WDR36: variants seen among roughly 807,000 people sequenced by gnomAD.
WDR36 encodes WD repeat domain 36.
WDR36 carries 63 observed loss-of-function variants against 112.7 expected under a neutral mutation model. That is an observed-to-expected ratio of 0.56 (90% CI 0.46 to 0.69). WDR36 has a LOEUF of 0.69. Ranked by LOEUF, WDR36 falls within the 30% of genes least tolerant of loss-of-function variation. The pLI is 0.00. For synonymous variants in WDR36, 410 were observed against 362.2 expected (o/e 1.13, Z -1.50); for missense variants, 1,226 against 1,070.3 (o/e 1.15, Z -2.03).
Position 111,097,145 on chromosome 5 carries a change from G to C in WDR36, c.257G>C (p.Gly86Ala), listed in dbSNP as rs770372836. The change falls in exon 3 of 23, where the codon GGA becomes GCA. Residue 86 changes from glycine (G) to alanine (A), a missense_variant. Gly to Ala is a moderately conservative substitution (Grantham distance 60). Transcript: ENST00000513710. ...ADGRLVFAAY[G>A]NVFSAFARNK... The stretch of plus-strand genomic sequence containing the variant: ...GGCAGATTAGTCTTTGCTGCTTATG[G>C]AAATGTTTTCTCTGCATTTGCCCGT... 2 of 1,613,562 alleles carry C rather than the reference G, an allele frequency of 1.2e-6. No homozygotes were observed. The highest frequency in any genetic ancestry group is 2.2e-5 in the East Asian group (1 of 44,840).
intron 5 of WDR36, among the ~76,000 whole-genome samples, 179 bp from the exon 6 acceptor site, chr5:111,102,166 G>C (rs1753133253): frequency 6.6e-6 from 1 of 151,204 alleles, no homozygotes; most frequent in South Asian, 2.1e-4. Context: ...TTGAGACCTA[G>C]AATTTGTCTG....
chr5:111,114,538 G>A (rs776287866), intron 16 of WDR36, among the ~76,000 whole-genome samples: 21 of 152,296 alleles, frequency 1.4e-4, no homozygotes, highest in Non-Finnish European at 2.2e-4. Context: ...CACAGCTAAC[G>A]ATTGTCACTA....
chr5:111,099,451 GT>G lies in WDR36; in HGVS notation c.409+623del, dbSNP rs796092518. Among the ~76,000 whole-genome samples, 33 of 55,648 alleles carry G rather than the reference GT, an allele frequency of 5.9e-4. 1 individual carries two copies. The highest frequency in any genetic ancestry group is 8.8e-3 in the Middle Eastern group (1 of 114). The allele number at this position is 55,648 out of a possible 152,430, so 36.5% of individuals were successfully genotyped here. A position where few individuals can be genotyped will look rare whatever the true frequency, so the allele number is the denominator to read the frequency against. On this transcript the variant is annotated intron_variant, in intron 4 of 22. Coordinates refer to ENST00000513710, the MANE Select transcript of WDR36 (RefSeq NM_139281.3). ...TTATATTGCCTCTTGGTTTTTTTTT[GT>G]TTTTTTTTTTGTTTTTTTTTTTTTT... is the stretch of plus-strand genomic sequence containing the variant.
At chr5:111,105,390 G>T in intron 10 of WDR36, 30 bp downstream of exon 10, 1 of 1,584,824 alleles carries the variant, frequency 6.3e-7, no homozygotes, top group Non-Finnish European at 8.7e-7. Flanking sequence ...AAATAAGCTG[G>T]TCACGAAAGA....
intron 18 of WDR36, 66 bp downstream of exon 18, chr5:111,120,659 C>A: frequency 7.5e-7 from 1 of 1,334,230 alleles, no homozygotes; most frequent in Non-Finnish European, 1.1e-6. Flanking sequence ...GGAGATATTG[C>A]TACCAAAGGC....
chr5:111,098,974 C>T (rs541137979), intron 4 of WDR36, 135 bp downstream of exon 4: 58 of 666,870 alleles, frequency 8.7e-5, no homozygotes, highest in Admixed American at 4.9e-4. Flanking sequence ...AAATCTTTAA[C>T]GTGTAAGAAA....
chr5:111,110,181 T>C lies in WDR36; in HGVS notation c.1327-8T>C, dbSNP rs1214062511. ...TATTTTGTCATTTGTGGGTTTTTTT[T>C]CTTAAAGGCAGTGGATATAACTTCT... On this transcript the variant is annotated splice_polypyrimidine_tract_variant and splice_region_variant and intron_variant, in intron 12 of 22. Transcript: ENST00000513710. 4.4e-6 allele frequency: 7 copies of C among 1,602,108 alleles called. No individual in the cohort carries two copies. Among genetic ancestry groups the C allele is most frequent in the Non-Finnish European group, 4.3e-6 (5 of 1,169,790 alleles).
chr5:111,096,341 G>A (rs1447617838), intron 2 of WDR36, among the ~76,000 whole-genome samples: 1 of 152,210 alleles, frequency 6.6e-6, no homozygotes, highest in Non-Finnish European at 1.5e-5. Flanking sequence ...AAAGGGTAGA[G>A]TTAGAGATTT....
intron 5 of WDR36, 77 bp downstream of exon 5, chr5:111,100,798 C>A (rs889060449): frequency 1.6e-5 from 23 of 1,413,834 alleles, no homozygotes; most frequent in Non-Finnish European, 2.3e-5. Context: ...ACTTAAGTCT[C>A]ATTTCTCCCT....
chr5:111,110,932 T>C lies in WDR36; in HGVS notation c.1586T>C (p.Ile529Thr), dbSNP rs1020320548. Residue 529 changes from isoleucine (I) to threonine (T), a missense_variant, in exon 14 of 23, where the codon ATC (isoleucine) becomes ACC (threonine). Transcript: ENST00000513710. ...GTGAGCCTCAGTTCATCTCCAAATA[T>C]CATGTTGCTACATAGGGACAGGTAA... ...HSVSLSSSPN[I>T]MLLHRDSGIL... The C allele has an allele frequency of 6.2e-7, 1 of 1,611,332 alleles. No homozygotes were observed. The highest frequency in any genetic ancestry group is 1.1e-5 in the South Asian group (1 of 91,012).
At chr5:111,115,909 GT>G (rs1460514901) in intron 16 of WDR36, among the ~76,000 whole-genome samples, 1 of 151,682 alleles carries the variant, frequency 6.6e-6, no homozygotes, top group Non-Finnish European at 1.5e-5. Context: ...ATGTCTGGTT[GT>G]TTTTGATCTA....
chr5:111,111,943 A>G (rs1221461412), intron 15 of WDR36, among the ~76,000 whole-genome samples: 1 of 151,886 alleles, frequency 6.6e-6, no homozygotes, highest in Non-Finnish European at 1.5e-5. Flanking sequence ...ATAAAAATAA[A>G]ATCTTAATAC....
At chr5:111,118,361 G>C (rs1753498129) in intron 16 of WDR36, among the ~76,000 whole-genome samples, 1 of 152,138 alleles carries the variant, frequency 6.6e-6, no homozygotes, top group East Asian at 1.9e-4. Context: ...CCCATTCTGA[G>C]TCTTCTACCT....
At chr5:111,126,122 A>G (rs1003874692) in intron 22 of WDR36, among the ~76,000 whole-genome samples, 9 of 151,944 alleles carry the variant, frequency 5.9e-5, no homozygotes, top group Admixed American at 2.0e-4. Context: ...ACCCCCTGAC[A>G]TTTTTATGCT....
At chr5:111,106,172 A>G in intron 11 of WDR36, 29 bp downstream of exon 11, 2 of 1,561,176 alleles carry the variant, frequency 1.3e-6, no homozygotes, top group Non-Finnish European at 1.8e-6. Context: ...TGTTTTGAGA[A>G]GTTCTCCTTT....
rs373058420 is a variant in WDR36 at position 111,120,969 on chromosome 5, T to C, written c.2003-27T>C. 1.1e-5 allele frequency: 17 copies of C among 1,592,884 alleles called. No homozygotes were observed. The African/African-American group carries it at 1.9e-4, about 18-fold the overall frequency. On this transcript the variant is annotated intron_variant, in intron 18 of 22. Coordinates refer to ENST00000513710, the MANE Select transcript of WDR36 (RefSeq NM_139281.3). Reference sequence around the variant, plus strand: ...GTTGCTTTTATATGATAAAAATCTTTTGTTTTACCTGAAAAATTTTTTTAA... The same window carrying C: ...GTTGCTTTTATATGATAAAAATCTTCTGTTTTACCTGAAAAATTTTTTTAA...
At chr5:111,096,384 G>C (rs150447652) in intron 2 of WDR36, among the ~76,000 whole-genome samples, 12 of 152,268 alleles carry the variant, frequency 7.9e-5, no homozygotes, top group African/African-American at 2.4e-4. Flanking sequence ...TTTTTCTGGA[G>C]TTATTAGTGA....
At chr5:111,101,282 C>T (rs910391206) in intron 5 of WDR36, among the ~76,000 whole-genome samples, 5 of 151,788 alleles carry the variant, frequency 3.3e-5, no homozygotes, top group Admixed American at 6.6e-5. Flanking sequence ...TACTAATGAC[C>T]TAATAACTGT....
At chr5:111,105,968 A>G (rs554310846) in intron 10 of WDR36, 89 bp from the exon 11 acceptor site, 12 of 985,768 alleles carry the variant, frequency 1.2e-5, no homozygotes, top group Middle Eastern at 2.1e-4. Flanking sequence ...TGTACTTTAT[A>G]GTTACAAGAC....
Sources: gnomAD v4.1 joint callset for allele counts (sites outside exome capture counted in the v4.1 genomes callset) on GRCh38, gnomAD v4.1.1 for gene constraint, MANE v1.5 for transcripts, NCBI Gene and HGNC (gene_info 2026-07-23, HGNC 2026-07-21) for gene names.